CRY1: variants seen among roughly 807,000 people sequenced by gnomAD.
CRY1 encodes the protein cryptochrome circadian regulator 1.
A neutral mutation model predicts 76.0 loss-of-function variants in CRY1; 45 were observed. That is an observed-to-expected ratio of 0.59 (90% confidence interval 0.47 to 0.76). The LOEUF (loss-of-function observed/expected upper bound fraction) is 0.76. CRY1 is among the 30% of genes least tolerant of loss of function. The pLI is 0.00. For missense variants in CRY1, 587 were observed against 716.4 expected, an observed-to-expected ratio of 0.82 and a Z score of 2.06; for synonymous variants, 248 against 244.0, an observed-to-expected ratio of 1.02 and a Z score of -0.15.
chr12:107,045,369 C>A (rs1387807549), intron 1 of CRY1, among the ~76,000 whole-genome samples: 1 of 152,104 alleles, frequency 6.6e-6, no homozygotes, highest in African/African-American at 2.4e-5. Flanking sequence ...ACAAGAAATT[C>A]TCAAGGGCAG....
chr12:107,004,296 G>C (rs955853337), intron 3 of CRY1, among the ~76,000 whole-genome samples: 2 of 151,968 alleles, frequency 1.3e-5, no homozygotes, highest in South Asian at 2.1e-4. Flanking sequence ...ATGATTTTTT[G>C]ATACATTTAA....
rs1282728447 is a variant in CRY1, at chr12:106,991,795, C to G, written c.*207G>C. The G allele has an allele frequency of 6.6e-6, 1 of 152,520 alleles. No individual in the cohort carries two copies. The highest frequency in any genetic ancestry group is 1.5e-5 in the Non-Finnish European group (1 of 67,984). 9.4% of individuals were successfully genotyped at this position (152,520 alleles called of 1,614,324 possible). A position where few individuals can be genotyped will look rare whatever the true frequency, so the allele number is the denominator to read the frequency against. ...TGTTTATATTTACATTAAGCAAATTCTCTTGCCAAGTTCTTTATATACAAA... is the reference window on the plus strand; with the variant it reads ...TGTTTATATTTACATTAAGCAAATTGTCTTGCCAAGTTCTTTATATACAAA... On this transcript the variant is annotated 3_prime_UTR_variant, in exon 13 of 13. Transcript: ENST00000008527.
intron 1 of CRY1, among the ~76,000 whole-genome samples, chr12:107,088,681 C>A (rs578031663): frequency 1.3e-5 from 2 of 152,186 alleles, no homozygotes; most frequent in Admixed American, 6.5e-5. Flanking sequence ...TTTGTTATAG[C>A]AGCTCAAACA....
At position 106,992,813 on chromosome 12, in the gene CRY1, T is replaced by C. The variant is rs954181640; in HGVS notation, c.1735A>G (p.Lys579Glu). 2 of 1,614,046 alleles carry C rather than the reference T, an allele frequency of 1.2e-6. No individual in the cohort carries two copies. Among genetic ancestry groups the C allele is most frequent in the Non-Finnish European group, 1.7e-6 (2 of 1,179,884 alleles). ...TAATTAGTGCTCTGTCTCTGGACTTTAGGACCAATACTCTGTGTGTCCTCT... is the reference window on the plus strand; with the variant it reads ...TAATTAGTGCTCTGTCTCTGGACTTCAGGACCAATACTCTGTGTGTCCTCT... ...QEEDTQSIGP[K>E]VQRQSTN is the part of the protein sequence containing the mutation. Residue 579 changes from lysine (K) to glutamate (E), a missense_variant, in exon 12 of 13, where the codon AAA becomes GAA. Coordinates refer to ENST00000008527, the MANE Select transcript of CRY1 (RefSeq NM_004075.5).
At chr12:107,089,994 C>CA (rs924782321) in intron 1 of CRY1, among the ~76,000 whole-genome samples, 2 of 152,140 alleles carry the variant, frequency 1.3e-5, no homozygotes, top group African/African-American at 4.8e-5. Context: ...TTGCTAAATC[C>CA]AATTTTTATT....
chr12:107,042,657 A>T (rs1952811086), intron 1 of CRY1, among the ~76,000 whole-genome samples: 1 of 152,232 alleles, frequency 6.6e-6, no homozygotes, highest in Admixed American at 6.5e-5. Context: ...TCACAAAGAC[A>T]GACAGAACAA....
At chr12:107,043,157 T>A (rs979673164) in intron 1 of CRY1, 1 of 152,032 alleles carries the variant, frequency 6.6e-6, no homozygotes, top group African/African-American at 2.4e-5. Flanking sequence ...TGGTCCAACA[T>A]CCCCAAGCCA....
intron 1 of CRY1, among the ~76,000 whole-genome samples, chr12:107,087,733 A>C (rs1037240353): frequency 6.6e-6 from 1 of 152,156 alleles, no homozygotes; most frequent in African/African-American, 2.4e-5. Context: ...GGGACTTTGA[A>C]AGAGATGATT....
chr12:107,050,030 T>TTCAA (rs1459699032), intron 1 of CRY1: 1 of 151,924 alleles, frequency 6.6e-6, no homozygotes, highest in Non-Finnish European at 1.5e-5. Flanking sequence ...AACTAAGGCA[T>TTCAA]TCAAGGAAGT....
At chr12:107,072,754 T>C (rs1037074089) in intron 1 of CRY1, among the ~76,000 whole-genome samples, 1 of 152,216 alleles carries the variant, frequency 6.6e-6, no homozygotes, top group Non-Finnish European at 1.5e-5. Context: ...TTAAAACTAC[T>C]ACCAGTGTTG....
intron 1 of CRY1, among the ~76,000 whole-genome samples, chr12:107,067,762 G>A (rs904492231): frequency 6.6e-6 from 1 of 152,132 alleles, no homozygotes; most frequent in Non-Finnish European, 1.5e-5. Context: ...GGAAGACAAT[G>A]AACAGGAGTC....
chr12:107,059,108 G>A (rs949413315), intron 1 of CRY1, among the ~76,000 whole-genome samples: 2 of 152,150 alleles, frequency 1.3e-5, no homozygotes, highest in African/African-American at 2.4e-5. Context: ...TGTGTTTGGT[G>A]TATGTAACTA....
At chr12:107,051,880 A>C (rs1488319568) in intron 1 of CRY1, among the ~76,000 whole-genome samples, 2 of 152,268 alleles carry the variant, frequency 1.3e-5, no homozygotes, top group Middle Eastern at 6.8e-3. Context: ...AAATCAGCAG[A>C]ACATCTACTT....
At chr12:106,997,776 A>C (rs1952250106) in intron 8 of CRY1, 86 bp from the exon 9 acceptor site, 1 of 1,544,424 alleles carries the variant, frequency 6.5e-7, no homozygotes, top group African/African-American at 1.4e-5. Context: ...AATCAAATCA[A>C]GACCATTTAA....
At chr12:107,051,665 T>C (rs964420885) in intron 1 of CRY1, among the ~76,000 whole-genome samples, 1 of 152,162 alleles carries the variant, frequency 6.6e-6, no homozygotes, top group Non-Finnish European at 1.5e-5. Context: ...TTAACTATCA[T>C]AGCATTTCAC....
chr12:107,082,965 AAG>A (rs1473330327), intron 1 of CRY1, among the ~76,000 whole-genome samples: 1 of 152,090 alleles, frequency 6.6e-6, no homozygotes, highest in African/African-American at 2.4e-5. Context: ...TAATAAATAA[AAG>A]AGAGAAGAAT....
intron 1 of CRY1, among the ~76,000 whole-genome samples, chr12:107,047,008 T>C (rs1233076843): frequency 1.3e-5 from 2 of 152,208 alleles, no homozygotes; most frequent in Non-Finnish European, 1.5e-5. Context: ...GGACTTAAAC[T>C]GCACTCAAGA....
At chr12:107,034,234 C>T (rs1952708647) in intron 1 of CRY1, among the ~76,000 whole-genome samples, 1 of 152,112 alleles carries the variant, frequency 6.6e-6, no homozygotes, top group African/African-American at 2.4e-5. Flanking sequence ...CAAGTTAAGA[C>T]ACCCCCACTA....
chr12:107,069,559 TAATA>T (rs1328276114), intron 1 of CRY1, among the ~76,000 whole-genome samples: 2 of 130,540 alleles, frequency 1.5e-5, no homozygotes, highest in African/African-American at 6.3e-5. Context: ...AGTATATATA[TAATA>T]TATATATAAA....
Sources: allele counts gnomAD v4.1 joint callset (sites outside exome capture counted in the v4.1 genomes callset), GRCh38; gene constraint gnomAD v4.1.1; transcripts MANE v1.5; gene names NCBI Gene and HGNC (gene_info 2026-07-23, HGNC 2026-07-21).